The following DNAJC13 variants were observed in gnomAD, a reference collection of about 807,000 sequenced individuals.
DNAJC13 encodes DnaJ heat shock protein family (Hsp40) member C13.
DNAJC13 carries 75 observed loss-of-function variants against 290.5 expected under a neutral mutation model. That is an observed-to-expected ratio of 0.26 (90% CI 0.21 to 0.31). The LOEUF is 0.31. Among genes scored for constraint, DNAJC13 ranks in the 10% least tolerant of loss-of-function variants. The probability of loss-of-function intolerance (pLI) is 1.00; values close to 1 mark genes in which losing one functional copy is unlikely to be tolerated. For missense variants in DNAJC13, 2,260 were observed against 2,674.5 expected, an observed-to-expected ratio of 0.85 and a Z score of 3.42; for synonymous variants, 862 against 892.0, an observed-to-expected ratio of 0.97 and a Z score of 0.60.
intron 44 of DNAJC13, among the ~76,000 whole-genome samples, chr3:132,512,255 T>G (rs960020681): frequency 3.3e-5 from 5 of 152,196 alleles, no homozygotes; most frequent in African/African-American, 1.2e-4. Context: ...TCTCGTAATT[T>G]AGAAGTATGG....
chr3:132,494,076 C>A, intron 33 of DNAJC13, 68 bp from the exon 34 acceptor site: 4 of 1,079,700 alleles, frequency 3.7e-6, no homozygotes, highest in Non-Finnish European at 4.0e-6. Context: ...CACAATAATT[C>A]TATAACTTAA....
chr3:132,490,602 T>TTTA (rs1935032481), intron 31 of DNAJC13, among the ~76,000 whole-genome samples: 1 of 152,188 alleles, frequency 6.6e-6, no homozygotes, highest in Admixed American at 6.5e-5. Context: ...CTGTTACACA[T>TTTA]GGTCAAAGGC....
chr3:132,470,896 C>A (rs1251289288), intron 20 of DNAJC13, among the ~76,000 whole-genome samples: 11 of 132,186 alleles, frequency 8.3e-5, no homozygotes, highest in African/African-American at 2.3e-4. Flanking sequence ...GGGGGCTGAC[C>A]CCCCCACCTC....
chr3:132,427,303 T>C (rs1939125304), intron 1 of DNAJC13, among the ~76,000 whole-genome samples: 1 of 151,770 alleles, frequency 6.6e-6, no homozygotes, highest in Non-Finnish European at 1.5e-5. Context: ...ACCCAGCTAA[T>C]TTTTTGTATT....
At chr3:132,466,185 G>A in intron 18 of DNAJC13, 114 bp from the exon 19 acceptor site, 1 of 1,379,650 alleles carries the variant, frequency 7.2e-7, no homozygotes, top group Non-Finnish European at 1.0e-6. Context: ...TTTATCATAG[G>A]AGTTACCGTA....
intron 45 of DNAJC13, among the ~76,000 whole-genome samples, 157 bp downstream of exon 45, chr3:132,513,256 A>G (rs1276162397): frequency 2.0e-5 from 3 of 152,160 alleles, no homozygotes; most frequent in African/African-American, 4.8e-5. Flanking sequence ...TTGAATTAAC[A>G]TGCTCAATTT....
chr3:132,506,068 T>TTTTTTTA (rs1935576378), intron 42 of DNAJC13, among the ~76,000 whole-genome samples: 8 of 140,188 alleles, frequency 5.7e-5, no homozygotes, highest in Admixed American at 7.1e-5. Flanking sequence ...TTTTTTTTTT[T>TTTTTTTA]GAGATGGAAT....
At chr3:132,507,123 C>T in intron 42 of DNAJC13, 114 bp from the exon 43 acceptor site, 3 of 646,542 alleles carry the variant, frequency 4.6e-6, no homozygotes, top group Non-Finnish European at 5.3e-6. Flanking sequence ...TGTATCACAC[C>T]ACATTTTTTC....
At chr3:132,496,405 T>C in intron 35 of DNAJC13, 123 bp from the exon 36 acceptor site, 1 of 922,650 alleles carries the variant, frequency 1.1e-6, no homozygotes, top group African/African-American at 1.7e-5. Flanking sequence ...TTGGAATGAA[T>C]ACCTTAATAT....
chr3:132,521,940 G>A (rs2107743346), intron 48 of DNAJC13, among the ~76,000 whole-genome samples: 1 of 152,212 alleles, frequency 6.6e-6, no homozygotes, highest in African/African-American at 2.4e-5. Flanking sequence ...TTATTTTGTG[G>A]GTGTTCTGTT....
chr3:132,482,591 C>T (rs543731266), intron 27 of DNAJC13, among the ~76,000 whole-genome samples: 2 of 152,194 alleles, frequency 1.3e-5, no homozygotes, highest in South Asian at 2.1e-4. Flanking sequence ...TAATTTCTGG[C>T]TGGGTGTAGT....
At position 132,522,789 on chromosome 3, in the gene DNAJC13, C is replaced by T. The variant is rs189799702; in HGVS notation, c.5674-39C>T. 513 of 1,523,136 alleles carry T rather than the reference C, an allele frequency of 3.4e-4. 1 individual carries two copies. The highest frequency in any genetic ancestry group is 3.1e-3 in the Middle Eastern group (18 of 5,716). 94.4% of individuals were successfully genotyped at this position (1,523,136 alleles called of 1,614,324 possible). ...TACAAACAAAATATTGAGGTGTTTC[C>T]AATAGGTGTCTTTTTCATTCTCAAA... On this transcript the variant is annotated intron_variant, in intron 48 of 55. Coordinates refer to ENST00000260818, the MANE Select transcript of DNAJC13 (RefSeq NM_015268.4).
intron 20 of DNAJC13, among the ~76,000 whole-genome samples, chr3:132,469,930 G>A (rs1934130622): frequency 9.4e-6 from 1 of 106,240 alleles, no homozygotes; most frequent in Non-Finnish European, 2.0e-5. Flanking sequence ...CATATCTGAT[G>A]TATATACATG....
chr3:132,425,025 A>C (rs148019423), intron 1 of DNAJC13, among the ~76,000 whole-genome samples: 1 of 152,260 alleles, frequency 6.6e-6, no homozygotes, highest in Non-Finnish European at 1.5e-5. Flanking sequence ...GTAAAAATGA[A>C]CATTCTGTTA....
At chr3:132,529,400 TC>T (rs1416277093) in intron 54 of DNAJC13, among the ~76,000 whole-genome samples, 1 of 152,204 alleles carries the variant, frequency 6.6e-6, no homozygotes, top group Non-Finnish European at 1.5e-5. Context: ...AGCTACAGCT[TC>T]CCGGTAATGA....
intron 53 of DNAJC13, among the ~76,000 whole-genome samples, chr3:132,526,482 A>G (rs1936260519): frequency 6.6e-6 from 1 of 152,184 alleles, no homozygotes; most frequent in African/African-American, 2.4e-5. Context: ...GTGTATGTAT[A>G]TATACATGGA....
At chr3:132,484,738 C>CCAGT in intron 29 of DNAJC13, 66 bp downstream of exon 29, 5 of 1,418,834 alleles carry the variant, frequency 3.5e-6, no homozygotes, top group Non-Finnish European at 5.0e-6. Flanking sequence ...ATTATCAGTA[C>CCAGT]CAGTCTTTGT....
chr3:132,447,512 CT>C, intron 4 of DNAJC13, 42 bp downstream of exon 4: 1 of 1,487,854 alleles, frequency 6.7e-7, no homozygotes, highest in Non-Finnish European at 8.9e-7. Flanking sequence ...TCTTTCTTCT[CT>C]TTTTAAAATG....
chr3:132,473,288 T>C, intron 21 of DNAJC13, 61 bp downstream of exon 21: 1 of 1,133,458 alleles, frequency 8.8e-7, no homozygotes, highest in Non-Finnish European at 1.3e-6. Context: ...AGAGGCATCA[T>C]GACACGTTCT....
Sources: gnomAD v4.1 joint callset for allele counts (sites outside exome capture counted in the v4.1 genomes callset) on GRCh38, gnomAD v4.1.1 for gene constraint, MANE v1.5 for transcripts, NCBI Gene and HGNC (gene_info 2026-07-23, HGNC 2026-07-21) for gene names.